PPP1R8: variants seen among roughly 807,000 people sequenced by gnomAD.
PPP1R8 encodes protein phosphatase 1 regulatory subunit 8, also known as nuclear inhibitor of protein phosphatase 1.
In PPP1R8, 4 loss-of-function variants were observed where a neutral mutation model predicts 31.3. The observed-to-expected ratio is 0.13, with a 90% confidence interval of 0.06 to 0.29. The LOEUF (loss-of-function observed/expected upper bound fraction) is 0.29, where lower values mean the gene tolerates loss of function less well. Ranked by LOEUF, PPP1R8 falls within the 10% of genes least tolerant of loss-of-function variation. The pLI is 1.00. For synonymous variants in PPP1R8, 170 were observed against 169.7 expected, an observed-to-expected ratio of 1.00 and a Z score of -0.01; for missense variants, 254 against 440.1, an observed-to-expected ratio of 0.58 and a Z score of 3.78.
chr1:27,847,686 G>T (rs1055404758), intron 6 of PPP1R8, among the ~76,000 whole-genome samples: 6 of 151,946 alleles, frequency 3.9e-5, no homozygotes, highest in African/African-American at 1.5e-4. Context: ...AGCTGAGATG[G>T]TGCCACTGCA....
chr1:27,830,796 G>C lies in PPP1R8; in HGVS notation c.-40G>C. On this transcript the variant is annotated 5_prime_UTR_variant, in exon 1 of 7. Transcript: ENST00000311772. ...CCCTTCTCGGTCTTCCAGTTTCCCG[G>C]CGTGCTTAGGGCGCGCCAAATGGGA... The C allele has an allele frequency of 4.5e-6, 7 of 1,559,250 alleles. No individual in the cohort carries two copies. Among genetic ancestry groups the C allele is most frequent in the Non-Finnish European group, 6.1e-6 (7 of 1,152,500 alleles).
At position 27,837,202 on chromosome 1, in the gene PPP1R8, C is replaced by T. The variant is rs562276731; in HGVS notation, c.118-1497C>T. On this transcript the variant is annotated intron_variant, in intron 2 of 6. Transcript: ENST00000311772. ...ATCCCAGCACTTTGGGAGTCTGAGG[C>T]GGGTGGATCATGAGGTCAGGAGATC... Among the ~76,000 whole-genome samples the T allele has an allele frequency of 2.6e-5, 4 of 151,540 alleles. No homozygotes were observed. The South Asian group carries it at 8.4e-4, about 32-fold the overall frequency.
chr1:27,850,082 G>C lies in PPP1R8; in HGVS notation c.703-11G>C, dbSNP rs543602409. The stretch of plus-strand genomic sequence containing the variant: ...CTCCAATCTCTCCCCTCTCCTCATC[G>C]TGAACTGTAGAAGAAGCGTGTGGAG... On this transcript the variant is annotated splice_polypyrimidine_tract_variant and intron_variant, in intron 6 of 6. Coordinates refer to ENST00000311772, the MANE Select transcript of PPP1R8 (RefSeq NM_014110.5). 19 of 1,540,552 alleles carry C rather than the reference G, an allele frequency of 1.2e-5. No individual in the cohort carries two copies. Among genetic ancestry groups the C allele is most frequent in the Non-Finnish European group, 1.7e-5 (19 of 1,141,788 alleles).
chr1:27,845,642 T>C (rs1475878873), intron 5 of PPP1R8, among the ~76,000 whole-genome samples: 2 of 151,990 alleles, frequency 1.3e-5, no homozygotes, highest in Non-Finnish European at 2.9e-5. Flanking sequence ...GAGTGTCCTC[T>C]TTAAAGGCAT....
intron 1 of PPP1R8, 59 bp downstream of exon 1, chr1:27,830,950 G>A: frequency 6.8e-7 from 1 of 1,481,320 alleles, no homozygotes; most frequent in Admixed American, 2.7e-5. Context: ...TGGGCTGGAA[G>A]GGCGGCTCTT....
chr1:27,830,842 G>A lies in PPP1R8; in HGVS notation c.7G>A (p.Ala3Thr). Residue 3 changes from alanine (A) to threonine (T), a missense_variant, in exon 1 of 7, where the codon GCA becomes ACA. Transcript: ENST00000311772. MA[A>T]AANSGSSLPL... ...TGGGAGGGGGAGACGCAAGATGGCG[G>A]CAGCCGCGAACTCCGGCTCTAGCCT... is the stretch of plus-strand genomic sequence containing the variant. 1 of 1,576,346 alleles carries A rather than the reference G, an allele frequency of 6.3e-7. No homozygotes were observed. Among genetic ancestry groups the A allele is most frequent in the Non-Finnish European group, 8.6e-7 (1 of 1,162,146 alleles).
At chr1:27,837,573 G>A (rs1162757150) in intron 2 of PPP1R8, among the ~76,000 whole-genome samples, 2 of 150,160 alleles carry the variant, frequency 1.3e-5, no homozygotes, top group African/African-American at 4.9e-5. Flanking sequence ...GAGGTCAGGA[G>A]AACGAAACCA....
chr1:27,851,619 AG>A lies in PPP1R8; in HGVS notation c.*1175del, dbSNP rs1481406245. The A allele has an allele frequency of 4.0e-6, 2 of 504,080 alleles. No individual in the cohort carries two copies. The highest frequency in any genetic ancestry group is 7.9e-6 in the Non-Finnish European group (2 of 252,294). 31.2% of individuals were successfully genotyped at this position (504,080 alleles called of 1,614,324 possible). ...TAAAGGCACAGTCACTGGGCTTGGG[AG>A]GCAATGCTCCATCCCCATTATATTA... On this transcript the variant is annotated 3_prime_UTR_variant, in exon 7 of 7. Coordinates refer to ENST00000311772, the MANE Select transcript of PPP1R8 (RefSeq NM_014110.5).
chr1:27,840,965 C>G, intron 3 of PPP1R8, 49 bp from the exon 4 acceptor site: 1 of 1,578,602 alleles, frequency 6.3e-7, no homozygotes, highest in South Asian at 1.1e-5. Flanking sequence ...TTCTAAAACT[C>G]AGGTTGTTTT....
At chr1:27,843,439 T>C (rs1158242496) in intron 5 of PPP1R8, 109 bp downstream of exon 5, 1 of 1,373,078 alleles carries the variant, frequency 7.3e-7, no homozygotes, top group African/African-American at 1.4e-5. Flanking sequence ...GGTGGATCAC[T>C]TAAGGTCAAG....
Position 27,838,083 on chromosome 1 carries a change from TGCCTGTAATCCCA to T in PPP1R8, c.118-613_118-601del, listed in dbSNP as rs1295314116. On this transcript the variant is annotated intron_variant, in intron 2 of 6. Coordinates refer to ENST00000311772, the MANE Select transcript of PPP1R8 (RefSeq NM_014110.5). Reference sequence around the variant, plus strand: ...AAAATTAGCCGGGCATGGTGGCGCGTGCCTGTAATCCCAGCTACTTGGGAGGCTGAGGCAGGAG... The same window carrying T: ...AAAATTAGCCGGGCATGGTGGCGCGTGCTACTTGGGAGGCTGAGGCAGGAG... Among the ~76,000 whole-genome samples, 3 of 150,658 alleles carry T rather than the reference TGCCTGTAATCCCA, an allele frequency of 2.0e-5. No homozygotes were observed. In the South Asian group the frequency reaches 6.3e-4, roughly 32 times the overall value.
At chr1:27,843,423 G>A (rs151119573) in intron 5 of PPP1R8, 93 bp downstream of exon 5, 35,013 of 1,475,572 alleles carry the variant, frequency 0.024, 538 homozygotes, top group Non-Finnish European at 0.028. Context: ...TTGGGAGGCC[G>A]AGGAGGGTGG....
At chr1:27,844,712 T>C (rs1246708742) in intron 5 of PPP1R8, among the ~76,000 whole-genome samples, 1 of 127,588 alleles carries the variant, frequency 7.8e-6, no homozygotes, top group Non-Finnish European at 1.7e-5. Flanking sequence ...TCTTTTTTTT[T>C]TTTTTTTTTT....
chr1:27,846,710 T>C (rs926705064), intron 5 of PPP1R8, among the ~76,000 whole-genome samples: 7 of 152,192 alleles, frequency 4.6e-5, no homozygotes, highest in Non-Finnish European at 1.0e-4. Flanking sequence ...CACAGCACAG[T>C]GGTGCAGATC....
intron 2 of PPP1R8, among the ~76,000 whole-genome samples, chr1:27,836,238 C>T (rs1377988819): frequency 3.9e-5 from 6 of 152,192 alleles, no homozygotes; most frequent in African/African-American, 1.4e-4. Flanking sequence ...AGTTATTCCT[C>T]AAGTGCTCCC....
chr1:27,849,891 T>C (rs2089323645), intron 6 of PPP1R8, among the ~76,000 whole-genome samples: 1 of 152,214 alleles, frequency 6.6e-6, no homozygotes, highest in Non-Finnish European at 1.5e-5. Flanking sequence ...GGAACCATCG[T>C]AGATGACTGG....
intron 3 of PPP1R8, 32 bp downstream of exon 3, chr1:27,838,884 C>T (rs774410902): frequency 2.0e-6 from 3 of 1,478,484 alleles, no homozygotes; most frequent in African/African-American, 2.8e-5. Context: ...CACATGTTAC[C>T]TTTAGGCAAT....
intron 2 of PPP1R8, among the ~76,000 whole-genome samples, chr1:27,833,454 C>G (rs543996568): frequency 6.6e-6 from 1 of 152,276 alleles, no homozygotes; most frequent in Admixed American, 6.5e-5. Flanking sequence ...GAATTAAGTA[C>G]TATAAAAGTT....
At chr1:27,831,371 G>C in intron 1 of PPP1R8, 2 of 987,314 alleles carry the variant, frequency 2.0e-6, no homozygotes, top group Non-Finnish European at 2.4e-6. Context: ...ACGAGGGTAG[G>C]TTAGCGCCAT....
Sources: allele counts gnomAD v4.1 joint callset (sites outside exome capture counted in the v4.1 genomes callset), GRCh38; gene constraint gnomAD v4.1.1; transcripts MANE v1.5; gene names NCBI Gene and HGNC (gene_info 2026-07-23, HGNC 2026-07-21).